The following PITPNM3 variants were observed in gnomAD, a reference collection of about 807,000 sequenced individuals.
PITPNM3 encodes the protein membrane-associated phosphatidylinositol transfer protein 3.
A neutral mutation model predicts 102.0 loss-of-function variants in PITPNM3; 26 were observed. That is an observed-to-expected ratio of 0.25 (90% confidence interval 0.19 to 0.35). The LOEUF (loss-of-function observed/expected upper bound fraction) is 0.35. PITPNM3 is among the 10% of genes least tolerant of loss of function. The pLI is 1.00. For missense variants in PITPNM3, 1,083 were observed against 1,346.1 expected (o/e 0.80, Z 3.06); for synonymous variants, 578 against 558.6 (o/e 1.03, Z -0.49).
chr17:6,463,646 C>A, intron 17 of PITPNM3, 86 bp downstream of exon 17: 2 of 1,524,658 alleles, frequency 1.3e-6, no homozygotes, highest in Non-Finnish European at 1.8e-6. Flanking sequence ...ATTCCTACAG[C>A]AAATCAGAAA....
intron 19 of PITPNM3, 50 bp from the exon 20 acceptor site, chr17:6,455,693 A>T (rs2150711809): frequency 8.8e-6 from 5 of 568,366 alleles, no homozygotes; most frequent in Non-Finnish European, 1.2e-5. Flanking sequence ...GCAGCAGCGC[A>T]GGGGGAAGAA....
In PITPNM3 at chr17:6,496,007, C is replaced by A. The variant is rs575841077; in HGVS notation, c.274+7520G>T. ...GAAAGCACCAGTAGGAGAACTGGGG[C>A]AAGGGAGCCCCCTCCATGCCGGGTC... On this transcript the variant is annotated intron_variant, in intron 4 of 19. Transcript: ENST00000262483. Among the ~76,000 whole-genome samples the A allele has an allele frequency of 9.9e-5, 15 of 152,270 alleles. 1 individual carries two copies. In the South Asian group the frequency reaches 2.7e-3, roughly 27 times the overall value.
Position 6,537,125 on chromosome 17 carries a change from C to T in PITPNM3, c.118+862G>A, listed in dbSNP as rs1362565601. 6.6e-6 allele frequency among the ~76,000 whole-genome samples: 1 copy of T among 152,178 alleles called. No individual in the cohort carries two copies. The highest frequency in any genetic ancestry group is 2.4e-5 in the African/African-American group (1 of 41,442). On this transcript the variant is annotated intron_variant, in intron 2 of 19. Coordinates refer to ENST00000262483, the MANE Select transcript of PITPNM3 (RefSeq NM_031220.4). The surrounding 1 kb of genome is among the most constrained non-coding windows in gnomAD (Gnocchi z 4.4). ...ACGTCAACAATGCTCCTTCCTATGT[C>T]TCATGGGTTGGCCGGGAAGAGATGC... is the stretch of plus-strand genomic sequence containing the variant.
rs548467051 is a variant in PITPNM3, at chr17:6,464,001, G to T, written c.2157-120C>A. 93 of 1,541,030 alleles carry T rather than the reference G, an allele frequency of 6.0e-5. No individual in the cohort carries two copies. In the African/African-American group the frequency reaches 7.2e-4, roughly 12 times the overall value. On this transcript the variant is annotated intron_variant, in intron 16 of 19. Transcript: ENST00000262483. ...TGGGTCAAGGTCAGAGAGCACCTGG[G>T]TGGCATCTCCTGATGCCACGGCTGG...
In PITPNM3 at chr17:6,455,180, C is replaced by T. The variant is rs1914030967; in HGVS notation, c.*158G>A. 2.0e-6 allele frequency: 2 copies of T among 990,618 alleles called. No individual in the cohort carries two copies. Among genetic ancestry groups the T allele is most frequent in the Non-Finnish European group, 2.8e-6 (2 of 711,790 alleles). 61.4% of individuals were successfully genotyped at this position (990,618 alleles called of 1,614,324 possible). A position where few individuals can be genotyped will look rare whatever the true frequency, so the allele number is the denominator to read the frequency against. Reference sequence around the variant, plus strand: ...CGCAGCTCAGGGAGCCCCCCGGGCTCGGGCAGGATCCCTCCCCGCTCTGGT... The same window carrying T: ...CGCAGCTCAGGGAGCCCCCCGGGCTTGGGCAGGATCCCTCCCCGCTCTGGT... On this transcript the variant is annotated 3_prime_UTR_variant, in exon 20 of 20. Coordinates refer to ENST00000262483, the MANE Select transcript of PITPNM3 (RefSeq NM_031220.4).
At chr17:6,508,260 T>G (rs527296534) in intron 3 of PITPNM3, among the ~76,000 whole-genome samples, 1 of 152,362 alleles carries the variant, frequency 6.6e-6, no homozygotes, top group South Asian at 2.1e-4. Flanking sequence ...GAGTGCGGCC[T>G]CAGCTGCATA....
chr17:6,498,410 A>G (rs1284684823), intron 4 of PITPNM3, among the ~76,000 whole-genome samples: 1 of 152,244 alleles, frequency 6.6e-6, no homozygotes, highest in Admixed American at 6.5e-5. Flanking sequence ...GTATGGAGGC[A>G]AGGTTCACGC....
At chr17:6,535,644 T>G (rs892778997) in intron 2 of PITPNM3, among the ~76,000 whole-genome samples, 2 of 151,648 alleles carry the variant, frequency 1.3e-5, no homozygotes, top group East Asian at 3.9e-4. Flanking sequence ...AGTGGCCGGG[T>G]GCGGTGGCTC....
At chr17:6,525,231 G>T in intron 3 of PITPNM3, 125 bp downstream of exon 3, 1 of 871,044 alleles carries the variant, frequency 1.1e-6, no homozygotes, top group Non-Finnish European at 2.0e-6. Context: ...ATGCTATGAA[G>T]GAGGAACCAA....
intron 3 of PITPNM3, among the ~76,000 whole-genome samples, chr17:6,507,466 C>T (rs937969331): frequency 6.6e-6 from 1 of 152,164 alleles, no homozygotes; most frequent in Admixed American, 6.5e-5. Context: ...TGCCTGTAAT[C>T]CCAGCTACTA....
In PITPNM3 at chr17:6,533,111, C is replaced by A. The variant is rs550199040; in HGVS notation, c.118+4876G>T. Among the ~76,000 whole-genome samples, 40 of 151,690 alleles carry A rather than the reference C, an allele frequency of 2.6e-4. No individual in the cohort carries two copies. The Middle Eastern group carries it at 0.01, about 40-fold the overall frequency. ...CCGAGTAGCTGGGATTACAGGAATG[C>A]TCCACCATGCCCAGCTAATTTTCTA... On this transcript the variant is annotated intron_variant, in intron 2 of 19. Coordinates refer to ENST00000262483, the MANE Select transcript of PITPNM3 (RefSeq NM_031220.4).
intron 3 of PITPNM3, among the ~76,000 whole-genome samples, chr17:6,511,319 C>T (rs1304713970): frequency 6.6e-6 from 1 of 152,200 alleles, no homozygotes; most frequent in Non-Finnish European, 1.5e-5. Flanking sequence ...AGATGGTAAA[C>T]TGACTACACG....
At position 6,478,902 on chromosome 17, in the gene PITPNM3, G is replaced by C; in HGVS notation, c.588-166C>G. On this transcript the variant is annotated intron_variant, in intron 6 of 19. Transcript: ENST00000262483. This position sits in a 1 kb window ranked among gnomAD's most constrained non-coding sequence, Gnocchi z 4.4. Reference sequence around the variant, plus strand: ...TGGTGACACAGAGCACAGGCAGTGTGGGGAGGAGAGGGGAAGAGGATTCAA... The same window carrying C: ...TGGTGACACAGAGCACAGGCAGTGTCGGGAGGAGAGGGGAAGAGGATTCAA... 1.5e-6 allele frequency: 1 copy of C among 653,202 alleles called. No individual in the cohort carries two copies. The highest frequency in any genetic ancestry group is 2.6e-6 in the Non-Finnish European group (1 of 384,816). 40.5% of individuals were successfully genotyped at this position (653,202 alleles called of 1,614,324 possible).
chr17:6,546,459 G>A (rs565503878), intron 1 of PITPNM3, among the ~76,000 whole-genome samples: 4 of 152,342 alleles, frequency 2.6e-5, no homozygotes, highest in South Asian at 4.1e-4. Flanking sequence ...GAGACTAGCC[G>A]TGGCCCAAAC....
chr17:6,529,420 C>A (rs2150650945), intron 2 of PITPNM3, among the ~76,000 whole-genome samples: 1 of 152,164 alleles, frequency 6.6e-6, no homozygotes, highest in East Asian at 1.9e-4. Flanking sequence ...TGGTGAAACA[C>A]CATCTCTACT....
At position 6,453,549 on chromosome 17, in the gene PITPNM3, A is replaced by C. The variant is rs1191495253; in HGVS notation, c.*1789T>G. 1 of 152,596 alleles carries C rather than the reference A, an allele frequency of 6.6e-6. No individual in the cohort carries two copies. The highest frequency in any genetic ancestry group is 2.4e-5 in the African/African-American group (1 of 41,450). 9.5% of individuals were successfully genotyped at this position (152,596 alleles called of 1,614,324 possible). On this transcript the variant is annotated 3_prime_UTR_variant, in exon 20 of 20. Transcript: ENST00000262483. ...AGCCCTGGGCTTGAGTGCAGGATGC[A>C]GCACTGGAAGTAGAGCAGAAGAGCT...
intron 3 of PITPNM3, among the ~76,000 whole-genome samples, chr17:6,509,572 C>T (rs557339984): frequency 6.6e-6 from 1 of 152,302 alleles, no homozygotes; most frequent in African/African-American, 2.4e-5. Context: ...AGACTGGTGG[C>T]TTTGCTCATG....
At chr17:6,515,739 C>T (rs1908128572) in intron 3 of PITPNM3, among the ~76,000 whole-genome samples, 1 of 151,842 alleles carries the variant, frequency 6.6e-6, no homozygotes, top group South Asian at 2.1e-4. Context: ...ACAGAAAACT[C>T]TGAAATGTTC....
chr17:6,487,562 T>G, intron 4 of PITPNM3, among the ~76,000 whole-genome samples: 1 of 152,160 alleles, frequency 6.6e-6, no homozygotes, highest in African/African-American at 2.4e-5. Context: ...TGCAGTGTGA[T>G]TACAGGATTA....
Sources: gnomAD v4.1 joint callset for allele counts (sites outside exome capture counted in the v4.1 genomes callset) on GRCh38, gnomAD v4.1.1 for gene constraint, Gnocchi (gnomAD v3.1) non-coding constraint, MANE v1.5 for transcripts, NCBI Gene and HGNC (gene_info 2026-07-23, HGNC 2026-07-21) for gene names.